PTPRM: variants seen among roughly 807,000 people sequenced by gnomAD.
The protein encoded by PTPRM is receptor-type tyrosine-protein phosphatase mu.
In PTPRM, 47 loss-of-function variants were observed where a neutral mutation model predicts 186.7. The observed-to-expected ratio is 0.25, with a 90% confidence interval of 0.20 to 0.32. The LOEUF (loss-of-function observed/expected upper bound fraction) is 0.32, where lower values mean the gene tolerates loss of function less well. Among genes scored for constraint, PTPRM ranks in the 10% least tolerant of loss-of-function variants. PTPRM has a pLI of 1.00. For synonymous variants in PTPRM, 668 were observed against 674.9 expected, an observed-to-expected ratio of 0.99 and a Z score of 0.16; for missense variants, 1,494 against 1,865.0, an observed-to-expected ratio of 0.80 and a Z score of 3.66.
chr18:7,576,549 C>G (rs1261581711), intron 1 of PTPRM, among the ~76,000 whole-genome samples: 1 of 152,082 alleles, frequency 6.6e-6, no homozygotes, highest in Non-Finnish European at 1.5e-5. Flanking sequence ...GATCATGGCT[C>G]AATGTAGCTT....
chr18:7,696,819 T>A (rs2039855353), intron 1 of PTPRM, among the ~76,000 whole-genome samples: 1 of 152,248 alleles, frequency 6.6e-6, no homozygotes, highest in Non-Finnish European at 1.5e-5. Flanking sequence ...CAGAACCAAA[T>A]GACATAGTAT....
At chr18:7,815,676 ATAATAT>A (rs567754829) in intron 2 of PTPRM, 34 of 152,270 alleles carry the variant, frequency 2.2e-4, no homozygotes, top group Admixed American at 1.5e-3. Flanking sequence ...CCGGGCAATA[ATAATAT>A]TAATATATAG....
rs547198793 is a variant in PTPRM at position 8,391,161 on chromosome 18, G to C, written c.4209-3315G>C. 7.9e-5 allele frequency among the ~76,000 whole-genome samples: 12 copies of C among 152,204 alleles called. No homozygotes were observed. In the South Asian group the frequency reaches 2.1e-3, roughly 26 times the overall value. On this transcript the variant is annotated intron_variant, in intron 31 of 32. Transcript: ENST00000580170. ...GGAGTAACTGGAACTCTTATACACT[G>C]TAGGAAGGAAGTAAATACTGTACAA...
intron 2 of PTPRM, among the ~76,000 whole-genome samples, chr18:7,864,303 T>C: frequency 6.6e-6 from 1 of 152,228 alleles, no homozygotes; most frequent in Non-Finnish European, 1.5e-5. Flanking sequence ...TTGACTAGGT[T>C]TTCTTCTAGG....
intron 1 of PTPRM, among the ~76,000 whole-genome samples, chr18:7,639,256 G>T (rs1453334582): frequency 6.6e-6 from 1 of 152,162 alleles, no homozygotes; most frequent in Non-Finnish European, 1.5e-5. Context: ...ATTTTTAGTA[G>T]AGATGGGGTT....
chr18:7,730,630 A>G (rs373533003), intron 1 of PTPRM, among the ~76,000 whole-genome samples: 1 of 152,200 alleles, frequency 6.6e-6, no homozygotes, highest in African/African-American at 2.4e-5. Flanking sequence ...CTGTGATTGT[A>G]TTGCTCAGAA....
intron 5 of PTPRM, among the ~76,000 whole-genome samples, chr18:7,933,075 A>AC (rs2051581608): frequency 6.6e-6 from 1 of 152,190 alleles, no homozygotes; most frequent in East Asian, 1.9e-4. Flanking sequence ...AACAAATCCC[A>AC]CCACCTACCC....
chr18:8,302,337 T>A (rs966248078), intron 20 of PTPRM, among the ~76,000 whole-genome samples: 2 of 151,692 alleles, frequency 1.3e-5, no homozygotes, highest in African/African-American at 4.8e-5. Flanking sequence ...GCCCCTTGGG[T>A]CTGAAGAACT....
intron 11 of PTPRM, among the ~76,000 whole-genome samples, chr18:8,110,867 G>A (rs953247571): frequency 6.6e-6 from 1 of 152,182 alleles, no homozygotes; most frequent in African/African-American, 2.4e-5. Flanking sequence ...GAAGTTGACT[G>A]TGGAAAGTCA....
intron 1 of PTPRM, among the ~76,000 whole-genome samples, chr18:7,596,398 C>G (rs1277198027): frequency 6.6e-6 from 1 of 152,196 alleles, no homozygotes; most frequent in African/African-American, 2.4e-5. Flanking sequence ...AATGCCTTGT[C>G]TTTCACCTGA....
intron 7 of PTPRM, among the ~76,000 whole-genome samples, chr18:8,006,398 T>C (rs1424144404): frequency 6.6e-6 from 1 of 152,214 alleles, no homozygotes; most frequent in African/African-American, 2.4e-5. Flanking sequence ...AATAAATGTT[T>C]AGCAGGAAGC....
chr18:8,227,687 C>G (rs776227865), intron 14 of PTPRM, among the ~76,000 whole-genome samples: 17 of 152,174 alleles, frequency 1.1e-4, no homozygotes, highest in Non-Finnish European at 2.2e-4. Flanking sequence ...TCCAATATGA[C>G]ATGCATTAAA....
chr18:7,644,487 G>T (rs946482908), intron 1 of PTPRM, among the ~76,000 whole-genome samples: 3 of 152,098 alleles, frequency 2.0e-5, no homozygotes, highest in Non-Finnish European at 2.9e-5. Context: ...AGAAGGGTCA[G>T]TTGTATATAT....
chr18:7,718,335 G>A (rs768420197), intron 1 of PTPRM, among the ~76,000 whole-genome samples: 2 of 152,130 alleles, frequency 1.3e-5, no homozygotes, highest in Non-Finnish European at 2.9e-5. Context: ...TCAATAAATG[G>A]TGCTGGGATA....
intron 1 of PTPRM, among the ~76,000 whole-genome samples, chr18:7,728,598 A>G (rs1382912179): frequency 3.3e-5 from 5 of 152,232 alleles, no homozygotes; most frequent in Non-Finnish European, 7.3e-5. Flanking sequence ...ATCAATTAGG[A>G]AAGGGCAGGC....
At chr18:7,601,654 T>C (rs1033244748) in intron 1 of PTPRM, among the ~76,000 whole-genome samples, 4 of 152,352 alleles carry the variant, frequency 2.6e-5, no homozygotes, top group South Asian at 2.1e-4. Context: ...ATTTGGGGTC[T>C]ACCTGAATAA....
At chr18:7,735,499 C>G (rs1243049541) in intron 1 of PTPRM, among the ~76,000 whole-genome samples, 1 of 152,082 alleles carries the variant, frequency 6.6e-6, no homozygotes, top group Non-Finnish European at 1.5e-5. Context: ...GTACCAAATT[C>G]CAGCCTGACT....
chr18:8,294,869 T>G (rs552319813), intron 19 of PTPRM, among the ~76,000 whole-genome samples: 237 of 152,262 alleles, frequency 1.6e-3, no homozygotes, highest in African/African-American at 5.4e-3. Flanking sequence ...ATTGGGTGGA[T>G]GTACAGGGGA....
intron 23 of PTPRM, among the ~76,000 whole-genome samples, chr18:8,350,341 T>C (rs1021781195): frequency 2.0e-5 from 3 of 152,354 alleles, no homozygotes; most frequent in African/African-American, 7.2e-5. Context: ...GTTTACCTAT[T>C]GCACATGTGC....
Sources: gnomAD v4.1 joint callset for allele counts (sites outside exome capture counted in the v4.1 genomes callset) on GRCh38, gnomAD v4.1.1 for gene constraint, MANE v1.5 for transcripts, NCBI Gene and HGNC (gene_info 2026-07-23, HGNC 2026-07-21) for gene names.